The following DCBLD1 variants were observed in gnomAD, a reference collection of about 807,000 sequenced individuals.
DCBLD1 encodes the protein discoidin, CUB and LCCL domain-containing protein 1.
DCBLD1 carries 57 observed loss-of-function variants against 71.5 expected under a neutral mutation model. The observed-to-expected ratio is 0.80, with a 90% CI of 0.64 to 0.99. DCBLD1 has a LOEUF of 0.99. Ranked by LOEUF, DCBLD1 falls within the 50% of genes least tolerant of loss-of-function variation. The pLI is 0.00. For synonymous variants in DCBLD1, 380 were observed against 363.8 expected (o/e 1.04, Z -0.51); for missense variants, 891 against 923.5 (o/e 0.96, Z 0.46).
intron 14 of DCBLD1, 123 bp from the exon 15 acceptor site, chr6:117,547,784 A>G: frequency 9.7e-6 from 15 of 1,541,796 alleles, no homozygotes; most frequent in Non-Finnish European, 1.1e-5. Flanking sequence ...AGTGCCTGGG[A>G]CACCTGAGGG....
At chr6:117,561,033 ACTTT>A (rs1779574929) in intron 14 of DCBLD1, 1 of 220,220 alleles carries the variant, frequency 4.5e-6, no homozygotes, top group African/African-American at 2.2e-5. Flanking sequence ...TTAACTAGTT[ACTTT>A]CTAACACCGG....
At chr6:117,567,252 G>C (rs1239649820) in intron 14 of DCBLD1, among the ~76,000 whole-genome samples, 1 of 152,102 alleles carries the variant, frequency 6.6e-6, no homozygotes, top group Non-Finnish European at 1.5e-5. Flanking sequence ...AAACATTATA[G>C]TAGCTCTTTC....
chr6:117,562,279 G>C (rs926208967), intron 14 of DCBLD1: 2 of 205,838 alleles, frequency 9.7e-6, no homozygotes, highest in African/African-American at 4.6e-5. Flanking sequence ...TAGATGACTG[G>C]AAATCATTTA....
At chr6:117,487,799 AT>A (rs199913052) in intron 1 of DCBLD1, among the ~76,000 whole-genome samples, 6,296 of 147,020 alleles carry the variant, frequency 0.043, 204 homozygotes, top group East Asian at 0.19. Context: ...AGAATTTCAG[AT>A]TTTTTTTTTT....
intron 2 of DCBLD1, among the ~76,000 whole-genome samples, chr6:117,513,703 C>A (rs942127870): frequency 6.6e-6 from 1 of 152,184 alleles, no homozygotes; most frequent in Non-Finnish European, 1.5e-5. Context: ...CCATGCAAAA[C>A]TGTGCATCCT....
Position 117,546,029 on chromosome 6 carries a change from G to A in DCBLD1, c.1615+432G>A, listed in dbSNP as rs547596443. 1.6e-3 allele frequency among the ~76,000 whole-genome samples: 245 copies of A among 152,238 alleles called. 2 individuals carry two copies. The highest frequency in any genetic ancestry group is 2.5e-3 in the South Asian group (12 of 4,826). ...TCCCTGACAAGCCACATCAAGAGTC[G>A]AGCTTCCCAAACCATCTATGGGGAA... On this transcript the variant is annotated intron_variant, in intron 14 of 14. Coordinates refer to ENST00000338728, the MANE Select transcript of DCBLD1 (RefSeq NM_001366458.2).
intron 14 of DCBLD1, among the ~76,000 whole-genome samples, chr6:117,558,405 A>G (rs1779523512): frequency 6.6e-6 from 1 of 152,182 alleles, no homozygotes; most frequent in Non-Finnish European, 1.5e-5. Flanking sequence ...ACCCTCCTGG[A>G]GAGTTCCCCT....
chr6:117,549,597 A>AT lies in DCBLD1; in HGVS notation c.*1165dup. ...TTTTAATAGAAAATATGGACCAAAA[A>AT]TTTTTTTCCCTGAAGAATGTATTAT... is the stretch of plus-strand genomic sequence containing the variant. On this transcript the variant is annotated 3_prime_UTR_variant, in exon 15 of 15. Transcript: ENST00000338728. 1.0e-6 allele frequency: 1 copy of AT among 985,070 alleles called. No individual in the cohort carries two copies. Among genetic ancestry groups the AT allele is most frequent in the Non-Finnish European group, 1.2e-6 (1 of 829,850 alleles). 61.0% of individuals were successfully genotyped at this position (985,070 alleles called of 1,614,324 possible).
intron 1 of DCBLD1, among the ~76,000 whole-genome samples, chr6:117,497,172 G>A (rs576060302): frequency 2.8e-4 from 43 of 152,170 alleles, no homozygotes; most frequent in African/African-American, 1.0e-3. Flanking sequence ...CAGCCTGGGC[G>A]ACAGAGCAAG....
chr6:117,487,791 A>C (rs1224367348), intron 1 of DCBLD1, among the ~76,000 whole-genome samples: 1 of 151,726 alleles, frequency 6.6e-6, no homozygotes, highest in Non-Finnish European at 1.5e-5. Flanking sequence ...ATACAGCCAG[A>C]ATTTCAGATT....
downstream of DCBLD1, chr6:117,549,905 G>T: frequency 3.1e-6 from 3 of 975,364 alleles, no homozygotes; most frequent in Non-Finnish European, 3.7e-6. Context: ...AAAGAGCTTG[G>T]TGCCAGATTA....
intron 1 of DCBLD1, among the ~76,000 whole-genome samples, chr6:117,497,229 A>G (rs1254382695): frequency 1.3e-5 from 2 of 152,182 alleles, no homozygotes; most frequent in African/African-American, 2.4e-5. Context: ...GCACTGTTCA[A>G]TTTACTCCAC....
chr6:117,528,669 GC>G (rs1249535402), intron 5 of DCBLD1, among the ~76,000 whole-genome samples: 2 of 152,166 alleles, frequency 1.3e-5, no homozygotes, highest in Non-Finnish European at 2.9e-5. Context: ...ATTGCCTGAG[GC>G]ATGAAGGTAT....
intron 1 of DCBLD1, 32 bp downstream of exon 1, chr6:117,482,925 C>A: frequency 8.5e-7 from 1 of 1,171,084 alleles, no homozygotes. Flanking sequence ...GGCGGCGGGA[C>A]CCGAGGCGCC....
At chr6:117,496,462 G>A (rs55977400) in intron 1 of DCBLD1, among the ~76,000 whole-genome samples, 15,943 of 152,172 alleles carry the variant, frequency 0.1, 1,069 homozygotes, top group Non-Finnish European at 0.14. Context: ...GGCTGAGAAT[G>A]GAATTAATGA....
At chr6:117,486,117 T>G (rs910761689) in intron 1 of DCBLD1, among the ~76,000 whole-genome samples, 1 of 152,222 alleles carries the variant, frequency 6.6e-6, no homozygotes, top group African/African-American at 2.4e-5. Context: ...TTTAACCTTG[T>G]GGAACTGACA....
At chr6:117,493,095 T>G (rs1276397242) in intron 1 of DCBLD1, among the ~76,000 whole-genome samples, 1 of 152,192 alleles carries the variant, frequency 6.6e-6, no homozygotes, top group Non-Finnish European at 1.5e-5. Flanking sequence ...GATACTAAAA[T>G]TAAACCATAC....
At chr6:117,521,861 T>C (rs1375418367) in intron 4 of DCBLD1, among the ~76,000 whole-genome samples, 1 of 152,228 alleles carries the variant, frequency 6.6e-6, no homozygotes, top group Non-Finnish European at 1.5e-5. Flanking sequence ...ATAGACACCA[T>C]GTATACACTA....
chr6:117,487,546 C>G (rs1777133045), intron 1 of DCBLD1, among the ~76,000 whole-genome samples: 1 of 152,088 alleles, frequency 6.6e-6, no homozygotes, highest in Non-Finnish European at 1.5e-5. Context: ...ATCTCTTGAG[C>G]CTGGGAGACA....
Sources: gnomAD v4.1 joint callset for allele counts (sites outside exome capture counted in the v4.1 genomes callset) on GRCh38, gnomAD v4.1.1 for gene constraint, MANE v1.5 for transcripts, NCBI Gene and HGNC (gene_info 2026-07-23, HGNC 2026-07-21) for gene names.